Variants in EPHA6 observed in about 807,000 individuals in gnomAD.
The protein encoded by EPHA6 is EPH receptor A6, also known as ephrin type-A receptor 6.
In EPHA6, 50 loss-of-function variants were observed where a neutral mutation model predicts 112.0. The ratio of observed to expected loss-of-function variants is 0.45; its 90% CI spans 0.36 to 0.56. The LOEUF (loss-of-function observed/expected upper bound fraction) is 0.56. EPHA6 is among the 20% of genes least tolerant of loss of function. The pLI is 0.00. For synonymous variants in EPHA6, 529 were observed against 490.7 expected, an observed-to-expected ratio of 1.08 and a Z score of -1.03; for missense variants, 1,280 against 1,417.4, an observed-to-expected ratio of 0.90 and a Z score of 1.56.
At chr3:97,241,806 ATACT>A (rs1559821658) in intron 4 of EPHA6, among the ~76,000 whole-genome samples, 1 of 137,616 alleles carries the variant, frequency 7.3e-6, no homozygotes, top group African/African-American at 2.7e-5. Flanking sequence ...GGACAGTTAT[ATACT>A]TATAGACACC....
chr3:96,819,301 T>C (rs1394681358), intron 1 of EPHA6, among the ~76,000 whole-genome samples: 1 of 152,074 alleles, frequency 6.6e-6, no homozygotes, highest in Non-Finnish European at 1.5e-5. Context: ...AAAATAAGTA[T>C]TAAAAAATAT....
chr3:97,691,913 C>T (rs1186913183), intron 14 of EPHA6, among the ~76,000 whole-genome samples: 1 of 152,138 alleles, frequency 6.6e-6, no homozygotes, highest in Non-Finnish European at 1.5e-5. Context: ...CAAAAGCAAC[C>T]ATTCTCCTAA....
intron 5 of EPHA6, among the ~76,000 whole-genome samples, chr3:97,301,959 G>T (rs544582687): frequency 5.3e-5 from 8 of 152,082 alleles, no homozygotes; most frequent in Non-Finnish European, 1.0e-4. Flanking sequence ...TATAATAAAG[G>T]CTTGTGGTAG....
intron 5 of EPHA6, among the ~76,000 whole-genome samples, chr3:97,374,094 C>A (rs374482723): frequency 6.6e-6 from 1 of 152,122 alleles, no homozygotes; most frequent in African/African-American, 2.4e-5. Flanking sequence ...TCAGTACTTC[C>A]TATATTAGAA....
intron 3 of EPHA6, among the ~76,000 whole-genome samples, chr3:97,026,504 G>A (rs530714615): frequency 2.2e-4 from 33 of 152,064 alleles, no homozygotes; most frequent in East Asian, 9.7e-4. Flanking sequence ...AAGTATTTTC[G>A]TCTTTTTTTG....
chr3:97,646,503 G>A (rs1232954873), intron 14 of EPHA6, among the ~76,000 whole-genome samples: 1 of 152,108 alleles, frequency 6.6e-6, no homozygotes, highest in Non-Finnish European at 1.5e-5. Flanking sequence ...TTCATTCACT[G>A]TGTACTTTAC....
At chr3:97,181,467 G>C (rs1324004686) in intron 3 of EPHA6, among the ~76,000 whole-genome samples, 1 of 151,920 alleles carries the variant, frequency 6.6e-6, no homozygotes, top group Non-Finnish European at 1.5e-5. Flanking sequence ...CCCTTTCCTT[G>C]TTTGTTGACG....
intron 5 of EPHA6, among the ~76,000 whole-genome samples, chr3:97,329,739 T>G (rs1479085073): frequency 6.6e-6 from 1 of 152,202 alleles, no homozygotes; most frequent in Non-Finnish European, 1.5e-5. Context: ...ATGGGTAGAT[T>G]GCAAAAATTT....
At chr3:97,373,447 C>G (rs2085178598) in intron 5 of EPHA6, among the ~76,000 whole-genome samples, 1 of 151,986 alleles carries the variant, frequency 6.6e-6, no homozygotes, top group Non-Finnish European at 1.5e-5. Flanking sequence ...GTCTAAGTTT[C>G]TAGCTACTGT....
chr3:97,595,631 G>A (rs2093582034), intron 12 of EPHA6, among the ~76,000 whole-genome samples: 2 of 151,338 alleles, frequency 1.3e-5, no homozygotes, highest in African/African-American at 4.9e-5. Context: ...GGCAATAAAA[G>A]CGAAACTTCA....
At chr3:96,815,933 A>G (rs944777361) in intron 1 of EPHA6, among the ~76,000 whole-genome samples, 2 of 152,054 alleles carry the variant, frequency 1.3e-5, no homozygotes, top group Non-Finnish European at 2.9e-5. Context: ...ATATTCTCTC[A>G]CTCGTGCTGT....
At chr3:97,309,230 A>C (rs898151611) in intron 5 of EPHA6, among the ~76,000 whole-genome samples, 24 of 151,712 alleles carry the variant, frequency 1.6e-4, no homozygotes, top group African/African-American at 5.1e-4. Flanking sequence ...TAGACACATA[A>C]AAATAACATT....
intron 13 of EPHA6, among the ~76,000 whole-genome samples, chr3:97,628,976 G>A (rs189502799): frequency 2.2e-4 from 33 of 151,952 alleles, no homozygotes; most frequent in African/African-American, 6.8e-4. Flanking sequence ...TTTATTGCCC[G>A]GGCTGGAGTG....
chr3:97,073,979 A>T (rs1218532696), intron 3 of EPHA6, among the ~76,000 whole-genome samples: 1 of 151,952 alleles, frequency 6.6e-6, no homozygotes, highest in Non-Finnish European at 1.5e-5. Flanking sequence ...TTAATATTTT[A>T]TGAATTGCCT....
At chr3:97,608,322 C>G (rs1450750147) in intron 12 of EPHA6, among the ~76,000 whole-genome samples, 2 of 151,222 alleles carry the variant, frequency 1.3e-5, no homozygotes, top group African/African-American at 2.4e-5. Flanking sequence ...TTTCGAAGTA[C>G]TGTATATTCA....
intron 14 of EPHA6, among the ~76,000 whole-genome samples, chr3:97,646,505 G>T (rs1049639028): frequency 1.3e-5 from 2 of 152,114 alleles, no homozygotes; most frequent in African/African-American, 4.8e-5. Flanking sequence ...CATTCACTGT[G>T]TACTTTACAC....
At chr3:96,867,865 A>C (rs2036407631) in intron 2 of EPHA6, among the ~76,000 whole-genome samples, 1 of 151,746 alleles carries the variant, frequency 6.6e-6, no homozygotes, top group Non-Finnish European at 1.5e-5. Context: ...ATTTTCAACT[A>C]AAATATCCTA....
At chr3:97,163,120 T>C (rs1368399469) in intron 3 of EPHA6, among the ~76,000 whole-genome samples, 1 of 152,184 alleles carries the variant, frequency 6.6e-6, no homozygotes, top group Non-Finnish European at 1.5e-5. Flanking sequence ...ACTTTTCAAA[T>C]TATTTATGAA....
intron 1 of EPHA6, among the ~76,000 whole-genome samples, chr3:96,855,215 T>C (rs1012294155): frequency 1.3e-5 from 2 of 152,120 alleles, no homozygotes; most frequent in African/African-American, 2.4e-5. Flanking sequence ...ATAAATAATA[T>C]AAAATATCCC....
Sources: allele counts gnomAD v4.1 joint callset (sites outside exome capture counted in the v4.1 genomes callset), GRCh38; gene constraint gnomAD v4.1.1; transcripts MANE v1.5; gene names NCBI Gene and HGNC (gene_info 2026-07-23, HGNC 2026-07-21).